The following SUGCT variants were observed in gnomAD, a reference collection of about 807,000 sequenced individuals.
SUGCT encodes succinyl-CoA:glutarate-CoA transferase, also known as succinyl-CoA:glutarate CoA-transferase.
A neutral mutation model predicts 55.0 loss-of-function variants in SUGCT; 41 were observed. The observed-to-expected ratio is 0.74, with a 90% CI of 0.58 to 0.97. The LOEUF (loss-of-function observed/expected upper bound fraction) is 0.97, where lower values mean the gene tolerates loss of function less well. Among genes scored for constraint, SUGCT ranks in the 50% least tolerant of loss-of-function variants. The pLI, the probability that SUGCT is intolerant of heterozygous loss-of-function variation, is 0.00. For synonymous variants in SUGCT, 187 were observed against 200.4 expected (o/e 0.93, Z 0.56); for missense variants, 568 against 547.8 (o/e 1.04, Z -0.37).
At chr7:40,299,675 A>G (rs1794408785) in intron 8 of SUGCT, among the ~76,000 whole-genome samples, 1 of 152,140 alleles carries the variant, frequency 6.6e-6, no homozygotes, top group Non-Finnish European at 1.5e-5. Flanking sequence ...GAACTAAATC[A>G]TGCTTATCAG....
At chr7:40,644,117 C>G (rs909988488) in intron 12 of SUGCT, among the ~76,000 whole-genome samples, 7 of 152,158 alleles carry the variant, frequency 4.6e-5, no homozygotes, top group Admixed American at 1.3e-4. Context: ...CTAACTGACT[C>G]CTGCATCAGC....
chr7:40,889,897 A>G, the SUGCT span, among the ~76,000 whole-genome samples: 1 of 151,220 alleles, frequency 6.6e-6, no homozygotes, highest in Non-Finnish European at 1.5e-5. Context: ...CTACCCTTTT[A>G]CCCCCTTGTT....
chr7:40,963,989 C>G, the SUGCT span, among the ~76,000 whole-genome samples: 2 of 152,170 alleles, frequency 1.3e-5, no homozygotes, highest in Non-Finnish European at 2.9e-5. Context: ...TTCACATTAA[C>G]CCTTGAACTG....
At chr7:40,457,536 T>C (rs1484904491) in intron 10 of SUGCT, among the ~76,000 whole-genome samples, 2 of 152,196 alleles carry the variant, frequency 1.3e-5, no homozygotes, top group East Asian at 3.8e-4. Flanking sequence ...ATGTACATTG[T>C]TTTATTTTAT....
chr7:40,578,272 G>C (rs768249174), intron 12 of SUGCT, among the ~76,000 whole-genome samples: 7 of 152,070 alleles, frequency 4.6e-5, no homozygotes, highest in Non-Finnish European at 1.0e-4. Flanking sequence ...CTTAGTCCTG[G>C]GAAAACCAGG....
chr7:40,982,940 T>C, the SUGCT span, among the ~76,000 whole-genome samples: 3 of 152,174 alleles, frequency 2.0e-5, no homozygotes, highest in African/African-American at 7.2e-5. Flanking sequence ...TGAGCTGCCA[T>C]GTCTGGCCTA....
At chr7:40,952,681 C>T in the SUGCT span, among the ~76,000 whole-genome samples, 2,209 of 152,090 alleles carry the variant, frequency 0.015, 27 homozygotes, top group Middle Eastern at 0.034. Context: ...TTTGCTTGTC[C>T]GTAAAGGATT....
At chr7:40,553,871 A>C (rs905924055) in intron 12 of SUGCT, among the ~76,000 whole-genome samples, 1 of 152,230 alleles carries the variant, frequency 6.6e-6, no homozygotes, top group African/African-American at 2.4e-5. Flanking sequence ...AACTTAGACA[A>C]CTCAGATCAG....
At chr7:40,425,232 A>G (rs1418611461) in intron 9 of SUGCT, among the ~76,000 whole-genome samples, 9 of 152,146 alleles carry the variant, frequency 5.9e-5, no homozygotes, top group South Asian at 2.1e-4. Context: ...TCCTCATTTT[A>G]AATGTCTCTA....
chr7:40,952,196 A>G, the SUGCT span, among the ~76,000 whole-genome samples: 1 of 151,996 alleles, frequency 6.6e-6, no homozygotes, highest in Non-Finnish European at 1.5e-5. Context: ...TCATCCCTTT[A>G]CTATTATGTA....
At chr7:40,328,871 A>C (rs1796154803) in intron 9 of SUGCT, among the ~76,000 whole-genome samples, 1 of 152,138 alleles carries the variant, frequency 6.6e-6, no homozygotes, top group Non-Finnish European at 1.5e-5. Flanking sequence ...GAATGGGTTC[A>C]AATCTACCCA....
intron 9 of SUGCT, among the ~76,000 whole-genome samples, chr7:40,427,169 A>AGAT (rs1419791943): frequency 3.3e-5 from 5 of 152,124 alleles, no homozygotes; most frequent in African/African-American, 1.2e-4. Context: ...TTGAGCAGAG[A>AGAT]GATTGGACAG....
At chr7:40,773,421 G>A (rs1379113443) in intron 13 of SUGCT, among the ~76,000 whole-genome samples, 2 of 152,136 alleles carry the variant, frequency 1.3e-5, no homozygotes, top group African/African-American at 4.8e-5. Flanking sequence ...GAGCCACTGT[G>A]CCCGGCCGTA....
At chr7:40,627,584 CTGAAG>C (rs1799580604) in intron 12 of SUGCT, among the ~76,000 whole-genome samples, 1 of 152,174 alleles carries the variant, frequency 6.6e-6, no homozygotes, top group Admixed American at 6.5e-5. Context: ...AGACAGCAGG[CTGAAG>C]TGAAGTTTCA....
chr7:40,255,498 C>G lies in SUGCT; in HGVS notation c.576+17772C>G, dbSNP rs967287408. On this transcript the variant is annotated intron_variant, in intron 7 of 13. Coordinates refer to ENST00000335693, the MANE Select transcript of SUGCT (RefSeq NM_001193313.2). ...CCAACATGAGGAAACCTCGGCTCTGCTAAAATACAAAAATTAGCCGGGCAT... is the reference window on the plus strand; with the variant it reads ...CCAACATGAGGAAACCTCGGCTCTGGTAAAATACAAAAATTAGCCGGGCAT... Among the ~76,000 whole-genome samples the G allele has an allele frequency of 3.3e-5, 5 of 151,160 alleles. No individual in the cohort carries two copies. In the East Asian group the frequency reaches 9.8e-4, roughly 30 times the overall value.
chr7:40,365,201 A>G (rs1304771721), intron 9 of SUGCT, among the ~76,000 whole-genome samples: 1 of 152,250 alleles, frequency 6.6e-6, no homozygotes, highest in Non-Finnish European at 1.5e-5. Context: ...GGCCTTTGAC[A>G]AAATTTAACA....
intron 13 of SUGCT, among the ~76,000 whole-genome samples, chr7:40,835,494 G>T (rs1299633418): frequency 6.6e-6 from 1 of 152,086 alleles, no homozygotes; most frequent in African/African-American, 2.4e-5. Flanking sequence ...ATTAAGTTCT[G>T]CTAGTGCTCT....
chr7:40,365,349 G>T (rs1338885872), intron 9 of SUGCT, among the ~76,000 whole-genome samples: 3 of 151,808 alleles, frequency 2.0e-5, no homozygotes, highest in East Asian at 3.9e-4. Flanking sequence ...TTGAAAACTG[G>T]CACAAGACAG....
At chr7:40,245,633 G>T (rs1321676619) in intron 7 of SUGCT, among the ~76,000 whole-genome samples, 2 of 148,036 alleles carry the variant, frequency 1.4e-5, no homozygotes, top group East Asian at 2.0e-4. Flanking sequence ...TAGAGACAGG[G>T]TTTCACTGTG....
Sources: gnomAD v4.1 joint callset for allele counts (sites outside exome capture counted in the v4.1 genomes callset) on GRCh38, gnomAD v4.1.1 for gene constraint, MANE v1.5 for transcripts, NCBI Gene and HGNC (gene_info 2026-07-23, HGNC 2026-07-21) for gene names.